WDFY3: variants seen among roughly 807,000 people sequenced by gnomAD.
WDFY3 encodes the protein WD repeat and FYVE domain-containing protein 3.
In WDFY3, 66 loss-of-function variants were observed where a neutral mutation model predicts 409.6. That is an observed-to-expected ratio of 0.16 (90% CI 0.13 to 0.20). The LOEUF (loss-of-function observed/expected upper bound fraction) is 0.20, where lower values mean the gene tolerates loss of function less well. WDFY3 is among the 10% of genes least tolerant of loss of function. The pLI is 1.00. For missense variants in WDFY3, 3,031 were observed against 4,298.1 expected (o/e 0.71, Z 8.24); for synonymous variants, 1,521 against 1,537.1 (o/e 0.99, Z 0.25).
Position 84,676,064 on chromosome 4 carries a change from G to GT in WDFY3, c.10457+1134dup, listed in dbSNP as rs1241275177. Among the ~76,000 whole-genome samples, 7 of 152,220 alleles carry GT rather than the reference G, an allele frequency of 4.6e-5. No individual in the cohort carries two copies. The East Asian group carries it at 1.2e-3, about 25-fold the overall frequency. ...GGCACAAAAAAGCAAAAATCATAGAGTAATACATGTGACTACAACCAGTTT... is the reference window on the plus strand; with the variant it reads ...GGCACAAAAAAGCAAAAATCATAGAGTTAATACATGTGACTACAACCAGTTT... On this transcript the variant is annotated intron_variant, in intron 67 of 67. Coordinates refer to ENST00000295888, the MANE Select transcript of WDFY3 (RefSeq NM_014991.6).
chr4:84,738,616 AAG>A (rs1233683807), intron 40 of WDFY3, among the ~76,000 whole-genome samples: 2 of 151,774 alleles, frequency 1.3e-5, no homozygotes, highest in African/African-American at 4.8e-5. Context: ...AAAAAAAAAA[AAG>A]AGAGAGAGTA....
In WDFY3 at chr4:84,794,711, C is replaced by T. The variant is rs754028635; in HGVS notation, c.3295G>A (p.Gly1099Ser). 1.6e-5 allele frequency: 26 copies of T among 1,611,850 alleles called. No homozygotes were observed. Among genetic ancestry groups the T allele is most frequent in the East Asian group, 6.7e-5 (3 of 44,812 alleles). Residue 1099 changes from glycine to serine, a missense_variant, in exon 21 of 68, where the codon GGC becomes AGC. By Grantham distance (56) the Gly-to-Ser change is moderately conservative. Around this residue, in one of 16 missense-constraint regions of WDFY3, gnomAD observed 1,322 missense variants for 1,697.9 expected, o/e 0.78. Transcript: ENST00000295888. ...SGERFFPPPS[G>S]LSYSSWFCIE... ...CAAAACCAGCTAGAGTAACTTAAGC[C>T]GGAGGGAGGAGGGAAGAATCTTTCA...
chr4:84,714,010 G>A (rs1287970886), intron 50 of WDFY3, among the ~76,000 whole-genome samples: 3 of 152,070 alleles, frequency 2.0e-5, no homozygotes, highest in African/African-American at 7.2e-5. Flanking sequence ...CAGCTAATTG[G>A]GAGGCTGAGG....
intron 6 of WDFY3, 149 bp downstream of exon 6, chr4:84,841,005 C>T (rs1377337359): frequency 1.5e-6 from 1 of 684,122 alleles, no homozygotes. Flanking sequence ...TTATGAGAAG[C>T]ATGAAATAAT....
intron 1 of WDFY3, among the ~76,000 whole-genome samples, chr4:84,960,785 C>G (rs1274946270): frequency 6.6e-6 from 1 of 152,152 alleles, no homozygotes; most frequent in African/African-American, 2.4e-5. Flanking sequence ...GCAGGTTACT[C>G]TTCTAAGGGT....
At chr4:84,688,309 AC>A (rs1282490007) in intron 61 of WDFY3, 44 bp from the exon 62 acceptor site, 1 of 1,574,744 alleles carries the variant, frequency 6.4e-7, no homozygotes, top group Non-Finnish European at 8.6e-7. Context: ...GATCTCAGTG[AC>A]AGGGTTCCAC....
intron 8 of WDFY3, among the ~76,000 whole-genome samples, chr4:84,831,062 C>T (rs1330016275): frequency 6.6e-6 from 1 of 151,606 alleles, no homozygotes; most frequent in Non-Finnish European, 1.5e-5. Context: ...TGGTGTGCAC[C>T]TGTAATCCCA....
chr4:84,712,604 C>G (rs1733113037), intron 51 of WDFY3, among the ~76,000 whole-genome samples: 1 of 151,544 alleles, frequency 6.6e-6, no homozygotes, highest in Non-Finnish European at 1.5e-5. Context: ...ACCTATTATC[C>G]CAGCTACTCG....
chr4:84,911,442 G>A (rs1242091565), intron 2 of WDFY3, among the ~76,000 whole-genome samples: 6 of 152,020 alleles, frequency 3.9e-5, no homozygotes, highest in Non-Finnish European at 5.9e-5. Flanking sequence ...AGGTATAATC[G>A]CACCACTACA....
chr4:84,821,353 T>C lies in WDFY3; in HGVS notation c.1322A>G (p.Gln441Arg). 3.1e-6 allele frequency: 5 copies of C among 1,613,904 alleles called. No individual in the cohort carries two copies. The highest frequency in any genetic ancestry group is 4.2e-6 in the Non-Finnish European group (5 of 1,179,898). The part of the protein sequence containing the change: ...AEKISKLPEV[Q>R]NKYFEMLEFV... ...CTCCAGCATCTCAAAGTATTTGTTT[T>C]GTACTTCTGGGAGTTTAGAAATCTT... Residue 441 changes from glutamine to arginine, a missense_variant, in exon 11 of 68, where the codon CAA (glutamine) becomes CGA (arginine). Coordinates refer to ENST00000295888, the MANE Select transcript of WDFY3 (RefSeq NM_014991.6).
intron 3 of WDFY3, among the ~76,000 whole-genome samples, chr4:84,889,194 A>G (rs980439532): frequency 2.0e-5 from 3 of 152,176 alleles, no homozygotes; most frequent in African/African-American, 7.2e-5. Context: ...GGGTGCTAAG[A>G]GCAAATTTTT....
chr4:84,797,760 T>G (rs1307555846), intron 18 of WDFY3, among the ~76,000 whole-genome samples: 1 of 151,874 alleles, frequency 6.6e-6, no homozygotes, highest in African/African-American at 2.4e-5. Flanking sequence ...TTTTTTGTAT[T>G]TTTTAGAAGA....
chr4:84,674,647 AC>A (rs1472260191), intron 67 of WDFY3, among the ~76,000 whole-genome samples: 2 of 151,754 alleles, frequency 1.3e-5, no homozygotes, highest in African/African-American at 4.8e-5. Context: ...AGGTGGGCAG[AC>A]CACAAGGTCA....
intron 2 of WDFY3, among the ~76,000 whole-genome samples, chr4:84,905,655 A>T (rs753794826): frequency 1.1e-4 from 17 of 152,274 alleles, no homozygotes; most frequent in South Asian, 8.3e-4. Flanking sequence ...AGGTAACAGA[A>T]ACTATAGTAT....
intron 3 of WDFY3, among the ~76,000 whole-genome samples, chr4:84,872,361 A>T (rs1382265300): frequency 6.6e-6 from 1 of 151,864 alleles, no homozygotes; most frequent in Non-Finnish European, 1.5e-5. Flanking sequence ...GCTACTTGGG[A>T]GACTGAAGCA....
rs781440189 is a variant in WDFY3, at chr4:84,850,926, C to CTTTTTTTTTTTTTTT, written c.181-902_181-901insAAAAAAAAAAAAAAA. On this transcript the variant is annotated intron_variant, in intron 4 of 67. Transcript: ENST00000295888. Reference sequence around the variant, plus strand: ...AATTCTTATTTTTAATTTTATTTATCTGTTTTTTTTTTTTTTTTTTTTTTT... The same window carrying CTTTTTTTTTTTTTTT: ...AATTCTTATTTTTAATTTTATTTATCTTTTTTTTTTTTTTTTGTTTTTTTTTTTTTTTTTTTTTTT... 3.7e-3 allele frequency among the ~76,000 whole-genome samples: 119 copies of CTTTTTTTTTTTTTTT among 32,136 alleles called. 12 individuals are homozygous for CTTTTTTTTTTTTTTT. Among genetic ancestry groups the CTTTTTTTTTTTTTTT allele is most frequent in the East Asian group, 5.1e-3 (4 of 778 alleles). The allele number at this position is 32,136 out of a possible 152,430, so 21.1% of individuals were successfully genotyped here.
intron 30 of WDFY3, 147 bp downstream of exon 30, chr4:84,772,688 G>C (rs762674263): frequency 9.7e-4 from 617 of 634,884 alleles, no homozygotes; most frequent in Non-Finnish European, 1.5e-3. Context: ...AAATACATCA[G>C]AGAAGGGCCA....
intron 4 of WDFY3, among the ~76,000 whole-genome samples, chr4:84,850,928 G>GTGTTTTTTTTTTTTTTTTTTTTTTTTTT (rs1758864479): frequency 2.2e-5 from 1 of 46,220 alleles, no homozygotes; most frequent in African/African-American, 9.3e-5. Context: ...TTATTTATCT[G>GTGTTTTTTTTTTTTTTTTTTTTTTTTTT]TTTTTTTTTT....
At chr4:84,857,278 T>C (rs1358225237) in intron 4 of WDFY3, among the ~76,000 whole-genome samples, 1 of 152,134 alleles carries the variant, frequency 6.6e-6, no homozygotes, top group Admixed American at 6.6e-5. Flanking sequence ...TAGAGAATAA[T>C]TACTAAAGCA....
Sources: allele counts gnomAD v4.1 joint callset (sites outside exome capture counted in the v4.1 genomes callset), GRCh38; gene constraint gnomAD v4.1.1; regional missense constraint gnomAD v4.1.1; transcripts MANE v1.5; gene names NCBI Gene and HGNC (gene_info 2026-07-23, HGNC 2026-07-21).